Variants in RNF20 observed in about 807,000 individuals in gnomAD.
RNF20 encodes the protein E3 ubiquitin-protein ligase BRE1A.
A neutral mutation model predicts 126.2 loss-of-function variants in RNF20; 84 were observed. The ratio of observed to expected loss-of-function variants is 0.67; its 90% CI spans 0.56 to 0.80. The LOEUF (loss-of-function observed/expected upper bound fraction) is 0.80. Among genes scored for constraint, RNF20 ranks in the 30% least tolerant of loss-of-function variants. The probability of loss-of-function intolerance (pLI) is 0.00; values close to 1 mark genes in which losing one functional copy is unlikely to be tolerated. For missense variants in RNF20, 869 were observed against 1,188.2 expected, an observed-to-expected ratio of 0.73 and a Z score of 3.95; for synonymous variants, 400 against 414.3, an observed-to-expected ratio of 0.97 and a Z score of 0.42.
In RNF20 at chr9:101,546,971, G is replaced by A; in HGVS notation, c.894+5G>A. ...TTAGCAGAAGTCCTAGAACGGGTCA[G>A]TGCTGTTTTATGGCTTGGAGACTAG... On this transcript the variant is annotated splice_donor_5th_base_variant and intron_variant, in intron 7 of 19. Coordinates refer to ENST00000389120, the MANE Select transcript of RNF20 (RefSeq NM_019592.7). 6.2e-7 allele frequency: 1 copy of A among 1,614,038 alleles called. No individual in the cohort carries two copies. The highest frequency in any genetic ancestry group is 8.5e-7 in the Non-Finnish European group (1 of 1,179,948).
rs1268659742 is a variant in RNF20, at chr9:101,544,751, A to T, written c.629-16A>T. 6.7e-7 allele frequency: 1 copy of T among 1,501,048 alleles called. No individual in the cohort carries two copies. The highest frequency in any genetic ancestry group is 9.3e-7 in the Non-Finnish European group (1 of 1,077,918). The allele number at this position is 1,501,048 out of a possible 1,614,324, so 93.0% of individuals were successfully genotyped here. On this transcript the variant is annotated splice_polypyrimidine_tract_variant and intron_variant, in intron 5 of 19. Coordinates refer to ENST00000389120, the MANE Select transcript of RNF20 (RefSeq NM_019592.7). ...CACTCTAGATGCTAAATTAAAGTATAGTTCTTCTTCCCCAGATAATCTGAT... is the reference window on the plus strand; with the variant it reads ...CACTCTAGATGCTAAATTAAAGTATTGTTCTTCTTCCCCAGATAATCTGAT...
chr9:101,560,720 T>TG, intron 16 of RNF20, 81 bp from the exon 17 acceptor site: 1 of 1,359,584 alleles, frequency 7.4e-7, no homozygotes, highest in Non-Finnish European at 9.9e-7. Flanking sequence ...CTGTATTTTG[T>TG]GGGCTTATAG....
chr9:101,559,153 G>A lies in RNF20; in HGVS notation c.2382+1557G>A, dbSNP rs1187752271. Among the ~76,000 whole-genome samples, 4 of 152,246 alleles carry A rather than the reference G, an allele frequency of 2.6e-5. No homozygotes were observed. The East Asian group carries it at 7.7e-4, about 29-fold the overall frequency. ...TTATCCTACCACCATTTGTTGAATAGGGTGTCCCTTCCCACTTTATGTTTT... is the reference window on the plus strand; with the variant it reads ...TTATCCTACCACCATTTGTTGAATAAGGTGTCCCTTCCCACTTTATGTTTT... On this transcript the variant is annotated intron_variant, in intron 16 of 19. Transcript: ENST00000389120.
At chr9:101,545,049 C>G (rs1389954598) in intron 6 of RNF20, among the ~76,000 whole-genome samples, 164 bp downstream of exon 6, 3 of 152,006 alleles carry the variant, frequency 2.0e-5, no homozygotes, top group Non-Finnish European at 4.4e-5. Flanking sequence ...AATGAATTAC[C>G]CTAAATATAA....
chr9:101,558,878 T>C lies in RNF20; in HGVS notation c.2382+1282T>C, dbSNP rs180990050. ...TGTTTACCCTGATGATTATTTCTTT[T>C]GCTGTGCAGAAGCTTTTTCGTTTAA... On this transcript the variant is annotated intron_variant, in intron 16 of 19. Coordinates refer to ENST00000389120, the MANE Select transcript of RNF20 (RefSeq NM_019592.7). Among the ~76,000 whole-genome samples, 229 of 152,324 alleles carry C rather than the reference T, an allele frequency of 1.5e-3. 1 individual carries two copies. Among genetic ancestry groups the C allele is most frequent in the African/African-American group, 5.2e-3 (216 of 41,580 alleles).
At chr9:101,551,430 A>G (rs1351921111) in intron 10 of RNF20, among the ~76,000 whole-genome samples, 1 of 152,200 alleles carries the variant, frequency 6.6e-6, no homozygotes, top group Non-Finnish European at 1.5e-5. Flanking sequence ...TGACAAATGA[A>G]TTGAATACTA....
At position 101,552,725 on chromosome 9, in the gene RNF20, AT is replaced by A; in HGVS notation, c.1875del (p.Ile626SerfsTer4). 1 of 1,607,356 alleles carries A rather than the reference AT, an allele frequency of 6.2e-7. No individual in the cohort carries two copies. The highest frequency in any genetic ancestry group is 8.5e-7 in the Non-Finnish European group (1 of 1,175,506). On this transcript the variant is annotated frameshift_variant, in exon 13 of 20. Transcript: ENST00000389120. LOFTEE classifies it high-confidence loss of function. ...HDDGRKKEAE[I>X]IKQLKIELKK... ...TGATGGACGGAAAAAGGAAGCAGAAATTATCAAACAATTGAAGATTGAACTC... is the reference window on the plus strand; with the variant it reads ...TGATGGACGGAAAAAGGAAGCAGAAATATCAAACAATTGAAGATTGAACTC...
In RNF20 at chr9:101,550,658, G is replaced by A. The variant is rs530650553; in HGVS notation, c.1145G>A (p.Arg382His). The A allele has an allele frequency of 2.5e-5, 40 of 1,614,082 alleles. No homozygotes were observed. The highest frequency in any genetic ancestry group is 3.0e-5 in the Non-Finnish European group (35 of 1,179,994). ...GTCGTTAAGGAAACTCCAGAATATC[G>A]CTGCATGCAGTCACAGTTCTCCGTC... ...EQVVKETPEY[R>H]CMQSQFSVLY... is the part of the protein sequence containing the mutation. Residue 382 changes from arginine to histidine, a missense_variant, in exon 10 of 20, where the codon CGC (arginine) becomes CAC (histidine). Arg to His is a conservative substitution (Grantham distance 29). Coordinates refer to ENST00000389120, the MANE Select transcript of RNF20 (RefSeq NM_019592.7).
intron 16 of RNF20, 71 bp downstream of exon 16, chr9:101,557,667 G>T: frequency 6.7e-6 from 8 of 1,186,086 alleles, no homozygotes; most frequent in Non-Finnish European, 7.3e-6. Context: ...ATAAGTAAAA[G>T]AATGATTATT....
Position 101,552,429 on chromosome 9 carries a change from C to A in RNF20, c.1577C>A (p.Thr526Asn), listed in dbSNP as rs551121884. 6.2e-7 allele frequency: 1 copy of A among 1,610,946 alleles called. No homozygotes were observed. Among genetic ancestry groups the A allele is most frequent in the African/African-American group, 1.3e-5 (1 of 74,848 alleles). ...GSALLQSQSS[T>N]EDPKDEPAEL... is the part of the protein sequence containing the mutation. ...GCCCTCCTGCAGTCCCAGTCTAGTACTGAGGACCCGAAGGATGAGCCTGCG... is the reference window on the plus strand; with the variant it reads ...GCCCTCCTGCAGTCCCAGTCTAGTAATGAGGACCCGAAGGATGAGCCTGCG... Residue 526 changes from threonine (T) to asparagine (N), a missense_variant, in exon 13 of 20, where the codon ACT becomes AAT. Thr to Asn is a moderately conservative substitution (Grantham distance 65). This residue lies in a region of RNF20 where 231 missense variants were observed against 263.6 expected (regional missense o/e 0.88). Transcript: ENST00000389120.
rs1331961233 is a variant in RNF20 at position 101,547,537 on chromosome 9, A to G, written c.1092+19A>G. On this transcript the variant is annotated intron_variant, in intron 9 of 19. Transcript: ENST00000389120. Reference sequence around the variant, plus strand: ...GCTGAAGGTAGGAACGCATCCCTGAAGGGCAGTAAAATCAGACGTTCTGCT... The same window carrying G: ...GCTGAAGGTAGGAACGCATCCCTGAGGGGCAGTAAAATCAGACGTTCTGCT... 6.2e-7 allele frequency: 1 copy of G among 1,613,424 alleles called. No individual in the cohort carries two copies. The highest frequency in any genetic ancestry group is 1.7e-5 in the Admixed American group (1 of 59,962).
intron 14 of RNF20, 75 bp downstream of exon 14, chr9:101,554,180 G>A (rs1324491357): frequency 6.2e-6 from 5 of 804,226 alleles, no homozygotes; most frequent in African/African-American, 5.3e-5. Flanking sequence ...ACTTGCCAAC[G>A]ATATAATTTC....
At position 101,540,364 on chromosome 9, in the gene RNF20, G is replaced by A; in HGVS notation, c.291G>A (p.Trp97Ter). 1 of 1,614,140 alleles carries A rather than the reference G, an allele frequency of 6.2e-7. No individual in the cohort carries two copies. Among genetic ancestry groups the A allele is most frequent in the South Asian group, 1.1e-5 (1 of 91,078 alleles). The change falls in exon 3 of 20, where the codon TGG (tryptophan) becomes TGA (stop). Residue 97 changes from tryptophan (W) to a stop codon, truncating the protein, a stop_gained. Coordinates refer to ENST00000389120, the MANE Select transcript of RNF20 (RefSeq NM_019592.7). LOFTEE classifies it high-confidence loss of function. ...CACTATTGATTGTCAACCGATACTGGAGTCAGGTAGCTAACTTGTTTATTT... is the reference window on the plus strand; with the variant it reads ...CACTATTGATTGTCAACCGATACTGAAGTCAGGTAGCTAACTTGTTTATTT... The part of the protein sequence containing the change: ...DASLLIVNRY[W>*]SQFDENIRII...
At position 101,555,378 on chromosome 9, in the gene RNF20, A is replaced by G. The variant is rs529793218; in HGVS notation, c.2169+535A>G. Among the ~76,000 whole-genome samples, 13 of 152,166 alleles carry G rather than the reference A, an allele frequency of 8.5e-5. No individual in the cohort carries two copies. The South Asian group carries it at 2.7e-3, about 32-fold the overall frequency. ...ACATTGATTAAGCAGTATGTTAACT[A>G]TGGCTATTTTGGGGTCATAGAACTA... On this transcript the variant is annotated intron_variant, in intron 15 of 19. Transcript: ENST00000389120.
At chr9:101,550,005 C>T (rs575200706) in intron 9 of RNF20, among the ~76,000 whole-genome samples, 38 of 152,304 alleles carry the variant, frequency 2.5e-4, no homozygotes, top group African/African-American at 7.9e-4. Flanking sequence ...ACCTGGGTGG[C>T]TTGCCGCCCA....
intron 1 of RNF20, among the ~76,000 whole-genome samples, chr9:101,534,851 C>T (rs1253444088): frequency 2.0e-5 from 3 of 151,898 alleles, no homozygotes; most frequent in Non-Finnish European, 2.9e-5. Context: ...TTCTTATCAC[C>T]ATTCTTATCA....
In RNF20 at chr9:101,552,152, A is replaced by G; in HGVS notation, c.1420A>G (p.Arg474Gly). 1 of 1,614,114 alleles carries G rather than the reference A, an allele frequency of 6.2e-7. No individual in the cohort carries two copies. Among genetic ancestry groups the G allele is most frequent in the Non-Finnish European group, 8.5e-7 (1 of 1,180,004 alleles). Residue 474 changes from arginine (R) to glycine (G), a missense_variant, in exon 12 of 20, where the codon AGG (arginine) becomes GGG (glycine). Physicochemically the swap from Arg to Gly is moderately radical, Grantham distance 125 (BLOSUM62 -2). Around this residue, in one of 8 missense-constraint regions of RNF20, gnomAD observed 9 missense variants for 33.5 expected, o/e 0.27. Coordinates refer to ENST00000389120, the MANE Select transcript of RNF20 (RefSeq NM_019592.7). Reference sequence around the variant, plus strand: ...TTCCTGTATTTAAGGCCCTATAAACAGGGAGATGCGCCACCTCATCAGTAG... The same window carrying G: ...TTCCTGTATTTAAGGCCCTATAAACGGGGAGATGCGCCACCTCATCAGTAG... ...AANEQAGPIN[R>G]EMRHLISSLQ...
At position 101,552,181 on chromosome 9, in the gene RNF20, C is replaced by G. The variant is rs1203567479; in HGVS notation, c.1449C>G (p.Leu483=). 1 of 1,613,978 alleles carries G rather than the reference C, an allele frequency of 6.2e-7. No individual in the cohort carries two copies. The highest frequency in any genetic ancestry group is 8.5e-7 in the Non-Finnish European group (1 of 1,180,034). Residue 483 remains leucine (L), a synonymous_variant, in exon 12 of 20, where the codon CTC becomes CTG. Coordinates refer to ENST00000389120, the MANE Select transcript of RNF20 (RefSeq NM_019592.7). ...AGATGCGCCACCTCATCAGTAGCCT[C>G]CAGAATCACAATCACCAGCTGAAAG... is the stretch of plus-strand genomic sequence containing the variant. ...NREMRHLISS[L]QNHNHQLKGE...
At chr9:101,538,202 G>A (rs954261648) in intron 2 of RNF20, among the ~76,000 whole-genome samples, 2 of 152,192 alleles carry the variant, frequency 1.3e-5, no homozygotes, top group African/African-American at 2.4e-5. Context: ...AAGACTAAAT[G>A]TGGGAGTTGG....
Sources: allele counts gnomAD v4.1 joint callset (sites outside exome capture counted in the v4.1 genomes callset), GRCh38; gene constraint gnomAD v4.1.1; regional missense constraint gnomAD v4.1.1; transcripts MANE v1.5; gene names NCBI Gene and HGNC (gene_info 2026-07-23, HGNC 2026-07-21).